DEPTOR: variants seen among roughly 807,000 people sequenced by gnomAD.
The protein encoded by DEPTOR is DEP domain-containing mTOR-interacting protein.
DEPTOR carries 41 observed loss-of-function variants against 41.6 expected under a neutral mutation model. That is an observed-to-expected ratio of 0.98 (90% CI 0.77 to 1.28). The LOEUF (loss-of-function observed/expected upper bound fraction) is 1.28. DEPTOR is among the 50% of genes most tolerant of loss of function. The pLI is 0.00. For missense variants in DEPTOR, 514 were observed against 527.9 expected, an observed-to-expected ratio of 0.97 and a Z score of 0.26; for synonymous variants, 195 against 192.3, an observed-to-expected ratio of 1.01 and a Z score of -0.12.
intron 4 of DEPTOR, among the ~76,000 whole-genome samples, chr8:119,979,641 C>G (rs1828737936): frequency 6.6e-6 from 1 of 152,058 alleles, no homozygotes; most frequent in Admixed American, 6.6e-5. Flanking sequence ...GAGCTCACCC[C>G]ACCCCCGCTT....
chr8:120,014,590 C>A (rs1320873602), intron 8 of DEPTOR, among the ~76,000 whole-genome samples: 1 of 151,780 alleles, frequency 6.6e-6, no homozygotes, highest in Non-Finnish European at 1.5e-5. Flanking sequence ...TGCAGTGGTA[C>A]AATCTTGGCT....
At chr8:119,981,379 G>A (rs1828764890) in intron 4 of DEPTOR, among the ~76,000 whole-genome samples, 1 of 152,158 alleles carries the variant, frequency 6.6e-6, no homozygotes, top group Non-Finnish European at 1.5e-5. Context: ...AATGTAGGAT[G>A]GGCACAGTGG....
At chr8:119,985,693 A>T (rs1480436429) in intron 4 of DEPTOR, among the ~76,000 whole-genome samples, 1 of 151,982 alleles carries the variant, frequency 6.6e-6, no homozygotes, top group Admixed American at 6.6e-5. Context: ...TATTGTGTGT[A>T]TATATATTTA....
chr8:119,986,610 C>G (rs570674290), intron 4 of DEPTOR, among the ~76,000 whole-genome samples: 3 of 152,040 alleles, frequency 2.0e-5, no homozygotes, highest in African/African-American at 7.2e-5. Flanking sequence ...TGGATAATAT[C>G]CTGAAGAGTG....
intron 3 of DEPTOR, among the ~76,000 whole-genome samples, chr8:119,932,764 A>C (rs1425074430): frequency 2.6e-5 from 4 of 152,086 alleles, no homozygotes; most frequent in Admixed American, 2.0e-4. Context: ...AAATAGACTT[A>C]CTGAGGGTGG....
intron 1 of DEPTOR, among the ~76,000 whole-genome samples, chr8:119,919,359 C>T (rs1027745462): frequency 2.0e-5 from 3 of 152,056 alleles, no homozygotes; most frequent in Non-Finnish European, 4.4e-5. Flanking sequence ...CAGCAATGAT[C>T]AGTTCATTGC....
intron 1 of DEPTOR, among the ~76,000 whole-genome samples, chr8:119,875,908 T>C (rs1027560936): frequency 6.6e-6 from 1 of 152,336 alleles, no homozygotes; most frequent in African/African-American, 2.4e-5. Context: ...AAGGAGAGTT[T>C]GTAGGCTTTA....
At chr8:119,980,929 C>A (rs908671105) in intron 4 of DEPTOR, among the ~76,000 whole-genome samples, 5 of 152,112 alleles carry the variant, frequency 3.3e-5, no homozygotes, top group Non-Finnish European at 1.5e-5. Context: ...AAGTGGGTAC[C>A]AGCCACATAG....
intron 4 of DEPTOR, among the ~76,000 whole-genome samples, chr8:119,993,645 G>T (rs1304946195): frequency 6.6e-6 from 1 of 152,076 alleles, no homozygotes; most frequent in Non-Finnish European, 1.5e-5. Context: ...ACTATAATAC[G>T]AAGGTCCTGT....
At chr8:120,006,478 C>T (rs1016891081) in intron 6 of DEPTOR, among the ~76,000 whole-genome samples, 3 of 151,532 alleles carry the variant, frequency 2.0e-5, no homozygotes, top group African/African-American at 4.9e-5. Flanking sequence ...GAGCCGAGAT[C>T]GCATCATTGC....
At chr8:119,961,489 CT>C (rs1241868413) in intron 3 of DEPTOR, among the ~76,000 whole-genome samples, 2 of 151,346 alleles carry the variant, frequency 1.3e-5, no homozygotes, top group Non-Finnish European at 2.9e-5. Context: ...AAACTTAAAT[CT>C]TTGAATTCCT....
At chr8:119,907,645 T>C (rs577716522) in intron 1 of DEPTOR, among the ~76,000 whole-genome samples, 2 of 152,198 alleles carry the variant, frequency 1.3e-5, no homozygotes, top group East Asian at 1.9e-4. Flanking sequence ...ATATAAAAAT[T>C]AGCGGGGCGT....
intron 3 of DEPTOR, among the ~76,000 whole-genome samples, chr8:119,958,739 G>A (rs1281898614): frequency 2.0e-5 from 3 of 151,990 alleles, no homozygotes; most frequent in Non-Finnish European, 2.9e-5. Context: ...CCGAGATCAC[G>A]TCACCGTACT....
intron 8 of DEPTOR, among the ~76,000 whole-genome samples, chr8:120,037,622 T>C (rs1812998309): frequency 1.3e-5 from 2 of 152,174 alleles, no homozygotes; most frequent in South Asian, 4.1e-4. Context: ...GAGACACTAA[T>C]CTTCACCTTA....
At chr8:119,941,373 CAAAAAAAAAAAA>C (rs749120675) in intron 3 of DEPTOR, among the ~76,000 whole-genome samples, 1 of 39,964 alleles carries the variant, frequency 2.5e-5, no homozygotes, top group African/African-American at 1.2e-4. Flanking sequence ...ATCTCCATCT[CAAAAAAAAAAAA>C]AAAAAAAAAA....
At chr8:119,913,982 C>T (rs7845043) in intron 1 of DEPTOR, among the ~76,000 whole-genome samples, 124,026 of 151,418 alleles carry the variant, frequency 0.82, 51,151 homozygotes, top group East Asian at 0.95. Flanking sequence ...AGTTTAAATT[C>T]CTTCCCCATC....
intron 1 of DEPTOR, among the ~76,000 whole-genome samples, chr8:119,883,256 C>T (rs1827321580): frequency 6.6e-6 from 1 of 151,714 alleles, no homozygotes; most frequent in Admixed American, 6.6e-5. Context: ...GGGCGGATCA[C>T]GAGGTCAGGA....
chr8:120,006,682 G>A lies in DEPTOR; in HGVS notation c.926-123G>A, dbSNP rs1051826053. ...CATTCAGCTAAAATATAAACTGTGAGGCAGGGATCTTTGCCACTTTTTCTC... is the reference window on the plus strand; with the variant it reads ...CATTCAGCTAAAATATAAACTGTGAAGCAGGGATCTTTGCCACTTTTTCTC... On this transcript the variant is annotated intron_variant, in intron 6 of 8. Coordinates refer to ENST00000286234, the MANE Select transcript of DEPTOR (RefSeq NM_022783.4). 3 of 745,804 alleles carry A rather than the reference G, an allele frequency of 4.0e-6. No individual in the cohort carries two copies. In the African/African-American group the frequency reaches 5.3e-5, roughly 13 times the overall value. 46.2% of individuals were successfully genotyped at this position (745,804 alleles called of 1,614,324 possible).
intron 3 of DEPTOR, among the ~76,000 whole-genome samples, chr8:119,955,340 A>G (rs1828404626): frequency 1.3e-5 from 2 of 152,124 alleles, no homozygotes; most frequent in African/African-American, 2.4e-5. Context: ...TTGGCCTCCT[A>G]TCTAAGAAAA....
Sources: gnomAD v4.1 joint callset for allele counts (sites outside exome capture counted in the v4.1 genomes callset) on GRCh38, gnomAD v4.1.1 for gene constraint, MANE v1.5 for transcripts, NCBI Gene and HGNC (gene_info 2026-07-23, HGNC 2026-07-21) for gene names.